The following AGO1 variants were observed in gnomAD, a reference collection of about 807,000 sequenced individuals.
The protein encoded by AGO1 is protein argonaute-1.
AGO1 carries 11 observed loss-of-function variants against 109.2 expected under a neutral mutation model. That is an observed-to-expected ratio of 0.10 (90% CI 0.06 to 0.17). The LOEUF (loss-of-function observed/expected upper bound fraction) is 0.17, where lower values mean the gene tolerates loss of function less well. Ranked by LOEUF, AGO1 falls within the 10% of genes least tolerant of loss-of-function variation. The pLI is 1.00. For missense variants in AGO1, 574 were observed against 1,140.3 expected (o/e 0.50, Z 7.15); for synonymous variants, 422 against 418.6 (o/e 1.01, Z -0.10).
chr1:35,882,379 T>A (rs938411153), upstream of AGO1, among the ~76,000 whole-genome samples: 2 of 152,048 alleles, frequency 1.3e-5, no homozygotes, highest in Non-Finnish European at 2.9e-5. This position sits in a 1 kb window ranked among gnomAD's most constrained non-coding sequence, Gnocchi z 5.1. Context: ...AAGGGGCCCT[T>A]TAGAAAGACT....
At chr1:35,898,174 A>G (rs1405411397) in intron 8 of AGO1, among the ~76,000 whole-genome samples, 2 of 152,052 alleles carry the variant, frequency 1.3e-5, no homozygotes, top group African/African-American at 4.8e-5. Flanking sequence ...GTGAACATTG[A>G]TGTACACATT....
chr1:35,893,429 T>C lies in AGO1; in HGVS notation c.512+151T>C. The C allele has an allele frequency of 1.0e-6, 1 of 953,270 alleles. No homozygotes were observed. Among genetic ancestry groups the C allele is most frequent in the Admixed American group, 2.9e-5 (1 of 34,524 alleles). The allele number at this position is 953,270 out of a possible 1,614,324, so 59.1% of individuals were successfully genotyped here. A position where few individuals can be genotyped will look rare whatever the true frequency, so the allele number is the denominator to read the frequency against. ...CTTGCCAGGCAAATGTGTATTTATA[T>C]TTAGATGGTTTAAAGCCCTGGCCCT... is the stretch of plus-strand genomic sequence containing the variant. On this transcript the variant is annotated intron_variant, in intron 4 of 18. Coordinates refer to ENST00000373204, the MANE Select transcript of AGO1 (RefSeq NM_012199.5). The surrounding 1 kb of genome is among the most constrained non-coding windows in gnomAD (Gnocchi z 5.6).
At chr1:35,899,768 G>T (rs1448042896) in intron 8 of AGO1, among the ~76,000 whole-genome samples, 1 of 152,208 alleles carries the variant, frequency 6.6e-6, no homozygotes, top group African/African-American at 2.4e-5. Context: ...TGTAAAGAAT[G>T]TTGGCCCTAT....
chr1:35,883,458 C>G lies in AGO1; in HGVS notation c.25+12C>G. On this transcript the variant is annotated intron_variant, in intron 1 of 18. Transcript: ENST00000373204. This position sits in a 1 kb window ranked among gnomAD's most constrained non-coding sequence, Gnocchi z 5.4. ...ACCCTCGGGAGCAGGTAAGGGTCCC[C>G]AGGAGGGGGAACGGTGCATGCTCCA... The G allele has an allele frequency of 6.4e-7, 1 of 1,553,650 alleles. No individual in the cohort carries two copies.
chr1:35,888,423 G>A lies in AGO1; in HGVS notation c.26-4G>A. Reference sequence around the variant, plus strand: ...TTACCCTCACCAGCCTCTTTGTCTTGTAGCTGCGGGCGCTTACCTGCCCCC... The same window carrying A: ...TTACCCTCACCAGCCTCTTTGTCTTATAGCTGCGGGCGCTTACCTGCCCCC... On this transcript the variant is annotated splice_region_variant and splice_polypyrimidine_tract_variant and intron_variant, in intron 1 of 18. Coordinates refer to ENST00000373204, the MANE Select transcript of AGO1 (RefSeq NM_012199.5). The surrounding 1 kb of genome is among the most constrained non-coding windows in gnomAD (Gnocchi z 4.1). The A allele has an allele frequency of 6.2e-7, 1 of 1,613,760 alleles. No homozygotes were observed. Among genetic ancestry groups the A allele is most frequent in the South Asian group, 1.1e-5 (1 of 91,048 alleles).
At chr1:35,875,074 C>T (rs940070606) in intron 1 of AGO1, among the ~76,000 whole-genome samples, 1 of 152,182 alleles carries the variant, frequency 6.6e-6, no homozygotes, top group African/African-American at 2.4e-5. Flanking sequence ...GCAAATTAGC[C>T]AGAAGATCTG....
At position 35,923,690 on chromosome 1, in the gene AGO1, G is replaced by C. The variant is rs1344366892; in HGVS notation, c.*4083G>C. ...CTTAATAGGACTTGCCTTCTCCCTG[G>C]GCAGGGAGAGAGGCTGGGTTGGTGC... is the stretch of plus-strand genomic sequence containing the variant. On this transcript the variant is annotated 3_prime_UTR_variant, in exon 19 of 19. Transcript: ENST00000373204. The C allele has an allele frequency of 6.6e-6, 1 of 152,538 alleles. No individual in the cohort carries two copies. The highest frequency in any genetic ancestry group is 1.5e-5 in the Non-Finnish European group (1 of 68,016). The allele number at this position is 152,538 out of a possible 1,614,324, so 9.4% of individuals were successfully genotyped here.
At chr1:35,907,818 C>G (rs1645551999) in intron 12 of AGO1, among the ~76,000 whole-genome samples, 1 of 152,116 alleles carries the variant, frequency 6.6e-6, no homozygotes, top group Non-Finnish European at 1.5e-5. Context: ...TTTTGTCTTC[C>G]TATTTCCTTC....
At position 35,929,185 on chromosome 1, in the gene AGO1, A is replaced by G. The variant is rs1445175870; in HGVS notation, c.*9578A>G. 1.3e-5 allele frequency: 2 copies of G among 152,268 alleles called. No individual in the cohort carries two copies. Among genetic ancestry groups the G allele is most frequent in the East Asian group, 3.8e-4 (2 of 5,196 alleles). The allele number at this position is 152,268 out of a possible 1,614,324, so 9.4% of individuals were successfully genotyped here. On this transcript the variant is annotated 3_prime_UTR_variant, in exon 19 of 19. Coordinates refer to ENST00000373204, the MANE Select transcript of AGO1 (RefSeq NM_012199.5). The stretch of plus-strand genomic sequence containing the variant: ...TAGGGTGTACATGTAGTCAGGAGAG[A>G]GCCTCATACAGCTTTGCCTTTGGCA...
At chr1:35,917,772 T>G (rs781416554) in intron 16 of AGO1, 45 bp downstream of exon 16, 2 of 1,594,694 alleles carry the variant, frequency 1.3e-6, no homozygotes, top group Admixed American at 1.7e-5. Context: ...TCTGTCTCCC[T>G]TATCTTAATA....
chr1:35,872,299 C>T (rs894631867), intron 1 of AGO1, among the ~76,000 whole-genome samples: 3 of 150,934 alleles, frequency 2.0e-5, no homozygotes, highest in South Asian at 4.2e-4. Flanking sequence ...GATTCTCCTG[C>T]CTCAGCCTCC....
chr1:35,885,122 G>A (rs534687963), intron 1 of AGO1, among the ~76,000 whole-genome samples: 10 of 152,144 alleles, frequency 6.6e-5, no homozygotes, highest in Admixed American at 3.3e-4. Context: ...TAGTCGTAAG[G>A]ATAAGCACAG....
At chr1:35,909,839 C>T (rs1645600925) in intron 12 of AGO1, among the ~76,000 whole-genome samples, 1 of 151,956 alleles carries the variant, frequency 6.6e-6, no homozygotes, top group South Asian at 2.1e-4. Flanking sequence ...TTCTTGGACC[C>T]TTGTATGGAT....
chr1:35,915,630 G>A (rs1422908788), intron 15 of AGO1, 88 bp downstream of exon 15: 17 of 1,253,520 alleles, frequency 1.4e-5, no homozygotes, highest in Non-Finnish European at 1.9e-5. Flanking sequence ...GGCACTGAGA[G>A]GTGTGTCACT....
rs1348418143 is a variant in AGO1 at position 35,919,835 on chromosome 1, A to C, written c.*228A>C. The C allele has an allele frequency of 3.7e-6, 2 of 536,550 alleles. No individual in the cohort carries two copies. Among genetic ancestry groups the C allele is most frequent in the Admixed American group, 3.2e-5 (1 of 30,770 alleles). 33.2% of individuals were successfully genotyped at this position (536,550 alleles called of 1,614,324 possible). A position where few individuals can be genotyped will look rare whatever the true frequency, so the allele number is the denominator to read the frequency against. ...CCTCATGTCCCCCACCCCTCACCCC[A>C]TCTTGTCACATCTGGCCCTGACCCC... On this transcript the variant is annotated 3_prime_UTR_variant, in exon 19 of 19. Transcript: ENST00000373204. The surrounding 1 kb of genome is among the most constrained non-coding windows in gnomAD (Gnocchi z 6.6).
intron 1 of AGO1, among the ~76,000 whole-genome samples, chr1:35,876,489 A>T (rs1435380776): frequency 6.6e-6 from 1 of 151,966 alleles, no homozygotes; most frequent in African/African-American, 2.4e-5. Flanking sequence ...GATGGTCTTG[A>T]TCTCCAGACT....
chr1:35,888,676 G>A lies in AGO1; in HGVS notation c.209+66G>A, dbSNP rs1030542908. On this transcript the variant is annotated intron_variant, in intron 2 of 18. Transcript: ENST00000373204. This position sits in a 1 kb window ranked among gnomAD's most constrained non-coding sequence, Gnocchi z 4.1. ...CAACCTTGAAAGAGGGGCCAGAAAG[G>A]TAAAAGAAAAACCAGTAGAGGGTAG... 5.1e-6 allele frequency: 8 copies of A among 1,569,714 alleles called. No individual in the cohort carries two copies. The highest frequency in any genetic ancestry group is 3.6e-5 in the Admixed American group (2 of 54,886).
Position 35,901,534 on chromosome 1 carries a change from A to G in AGO1, c.1081A>G (p.Thr361Ala). Residue 361 changes from threonine to alanine, a missense_variant, in exon 9 of 19, where the codon ACC becomes GCC. Thr to Ala is a moderately conservative substitution (Grantham distance 58). This residue lies in a region of AGO1 where 42 missense variants were observed against 142.4 expected (regional missense o/e 0.29). Transcript: ENST00000373204. The surrounding 1 kb of genome is among the most constrained non-coding windows in gnomAD (Gnocchi z 4.8). The part of the protein sequence containing the change: ...IKKLTDNQTS[T>A]MIKATARSAP... ...AAAGCTGACCGACAACCAGACCTCG[A>G]CCATGATAAAGGCCACAGCTAGATC... is the stretch of plus-strand genomic sequence containing the variant. 1 of 1,614,158 alleles carries G rather than the reference A, an allele frequency of 6.2e-7. No homozygotes were observed.
In AGO1 at chr1:35,888,742, C is replaced by A; in HGVS notation, c.209+132C>A. The A allele has an allele frequency of 2.0e-6, 2 of 980,000 alleles. No homozygotes were observed. The highest frequency in any genetic ancestry group is 1.5e-6 in the Non-Finnish European group (1 of 678,674). The allele number at this position is 980,000 out of a possible 1,614,324, so 60.7% of individuals were successfully genotyped here. On this transcript the variant is annotated intron_variant, in intron 2 of 18. Transcript: ENST00000373204. The surrounding 1 kb of genome is among the most constrained non-coding windows in gnomAD (Gnocchi z 4.1). ...GGAAGTTTTTGAACGGGAGATGCCA[C>A]GTCGGGTAAATGCTGAAAAATAGTC...
Sources: allele counts gnomAD v4.1 joint callset (sites outside exome capture counted in the v4.1 genomes callset), GRCh38; gene constraint gnomAD v4.1.1; regional missense constraint gnomAD v4.1.1; non-coding constraint Gnocchi (gnomAD v3.1); transcripts MANE v1.5; gene names NCBI Gene and HGNC (gene_info 2026-07-23, HGNC 2026-07-21).